NEK3: variants seen among roughly 807,000 people sequenced by gnomAD.
NEK3 encodes the protein NIMA related kinase 3.
In NEK3, 54 loss-of-function variants were observed where a neutral mutation model predicts 66.0. The observed-to-expected ratio is 0.82, with a 90% CI of 0.66 to 1.03. The LOEUF (loss-of-function observed/expected upper bound fraction) is 1.03, where lower values mean the gene tolerates loss of function less well. NEK3 is among the 50% of genes least tolerant of loss of function. The pLI is 0.00. For synonymous variants in NEK3, 200 were observed against 206.2 expected, an observed-to-expected ratio of 0.97 and a Z score of 0.26; for missense variants, 593 against 603.0, an observed-to-expected ratio of 0.98 and a Z score of 0.17.
chr13:52,152,814 ACTC>A, intron 4 of NEK3, 122 bp from the exon 5 acceptor site: 1 of 578,562 alleles, frequency 1.7e-6, no homozygotes, highest in South Asian at 2.5e-5. Flanking sequence ...TGAGTACAGA[ACTC>A]CTATAAATTA....
intron 11 of NEK3, among the ~76,000 whole-genome samples, chr13:52,139,055 G>A (rs1956227771): frequency 6.6e-6 from 1 of 152,184 alleles, no homozygotes; most frequent in Non-Finnish European, 1.5e-5. Flanking sequence ...CACAGCTTTA[G>A]GGAAGCTTCA....
In NEK3 at chr13:52,135,741, T is replaced by A. The variant is rs1956198497; in HGVS notation, c.1297A>T (p.Ile433Leu). 6 of 1,612,812 alleles carry A rather than the reference T, an allele frequency of 3.7e-6. No individual in the cohort carries two copies. Among genetic ancestry groups the A allele is most frequent in the Admixed American group, 1.7e-5 (1 of 59,824 alleles). The change falls in exon 14 of 16, where the codon ATA (isoleucine) becomes TTA (leucine). Residue 433 changes from isoleucine to leucine, a missense_variant. Transcript: ENST00000610828. ...AGACATGAATTACCTGGTCTATATA[T>A]TGTGTATGTTTGAAAAGCCAAGCTG... ...DLSLAFQTYT[I>L]YRPGSEGFLK...
chr13:52,158,740 T>A (rs1449742861), intron 1 of NEK3, among the ~76,000 whole-genome samples: 1 of 152,228 alleles, frequency 6.6e-6, no homozygotes, highest in East Asian at 1.9e-4. Context: ...ATAAAGTGAT[T>A]TGCAAATACC....
chr13:52,151,447 G>C, intron 5 of NEK3, 55 bp from the exon 6 acceptor site: 1 of 1,468,088 alleles, frequency 6.8e-7, no homozygotes, highest in East Asian at 2.5e-5. Context: ...ACATGAGGCA[G>C]ATAAGCTGTC....
At position 52,136,234 on chromosome 13, in the gene NEK3, T is replaced by C. The variant is rs761436659; in HGVS notation, c.1056A>G (p.Lys352=). The change falls in exon 13 of 16, where the codon AAA becomes AAG. Residue 352 remains lysine (K), a synonymous_variant. Coordinates refer to ENST00000610828, the MANE Select transcript of NEK3 (RefSeq NM_002498.3). ...EKGNKSVHLR[K]ASSPNLHRRQ... is the part of the protein sequence containing the mutation. ...GTCTATGAAGATTTGGTGAACTGGC[T>C]TTCCTCAGATGGACTGACTTATTAC... 2 of 1,613,802 alleles carry C rather than the reference T, an allele frequency of 1.2e-6. No homozygotes were observed. Among genetic ancestry groups the C allele is most frequent in the East Asian group, 2.2e-5 (1 of 44,864 alleles).
At chr13:52,150,552 A>G (rs1325359312) in intron 7 of NEK3, among the ~76,000 whole-genome samples, 1 of 152,202 alleles carries the variant, frequency 6.6e-6, no homozygotes, top group Non-Finnish European at 1.5e-5. Context: ...TCTATTTCCA[A>G]TCTTCCCTGC....
intron 1 of NEK3, chr13:52,157,021 A>G (rs1016378862): frequency 3.9e-5 from 6 of 152,248 alleles, no homozygotes; most frequent in Non-Finnish European, 5.9e-5. Flanking sequence ...GGATGAATGA[A>G]ACTTGGCTAG....
At chr13:52,143,826 C>T in intron 10 of NEK3, 89 bp downstream of exon 10, 1 of 725,650 alleles carries the variant, frequency 1.4e-6, no homozygotes. Flanking sequence ...ATAATCATTT[C>T]TAATAACTTA....
intron 11 of NEK3, among the ~76,000 whole-genome samples, chr13:52,139,763 G>A (rs1455746656): frequency 6.6e-6 from 1 of 152,070 alleles, no homozygotes; most frequent in Non-Finnish European, 1.5e-5. Flanking sequence ...GCTGGGCACG[G>A]TGGCTCGTGC....
Position 52,154,127 on chromosome 13 carries a change from G to C in NEK3, c.164C>G (p.Ala55Gly). 6.2e-7 allele frequency: 1 copy of C among 1,611,578 alleles called. No individual in the cohort carries two copies. Among genetic ancestry groups the C allele is most frequent in the Non-Finnish European group, 8.5e-7 (1 of 1,178,554 alleles). ...AACAATATTAGGGTGTTTCATTTTG[G>C]CTAAAAGAACAGCCTCCTTCCTAGA... ...QNSRKEAVLLAKMKHPNIVAF... is the reference protein window; with the variant it reads ...QNSRKEAVLLGKMKHPNIVAF... Residue 55 changes from alanine to glycine, a missense_variant, in exon 3 of 16, where the codon GCC (alanine) becomes GGC (glycine). Coordinates refer to ENST00000610828, the MANE Select transcript of NEK3 (RefSeq NM_002498.3).
intron 9 of NEK3, among the ~76,000 whole-genome samples, chr13:52,144,191 A>G (rs919792517): frequency 6.6e-6 from 1 of 152,232 alleles, no homozygotes; most frequent in African/African-American, 2.4e-5. Flanking sequence ...AGACAGGCAG[A>G]TTGCCTGAGG....
At chr13:52,138,228 C>T (rs1956220027) in intron 11 of NEK3, among the ~76,000 whole-genome samples, 2 of 152,166 alleles carry the variant, frequency 1.3e-5, no homozygotes, top group Admixed American at 1.3e-4. Flanking sequence ...CATTGTGTTG[C>T]CCAGGCTTGA....
At chr13:52,148,495 T>C (rs552521187) in intron 7 of NEK3, 26 bp from the exon 8 acceptor site, 2 of 1,605,608 alleles carry the variant, frequency 1.2e-6, no homozygotes, top group East Asian at 2.2e-5. Flanking sequence ...AGCAATGTAA[T>C]CACAAGCAGG....
At chr13:52,143,745 T>C (rs1261682163) in intron 10 of NEK3, among the ~76,000 whole-genome samples, 170 bp downstream of exon 10, 1 of 152,148 alleles carries the variant, frequency 6.6e-6, no homozygotes, top group African/African-American at 2.4e-5. Flanking sequence ...TTTTCAGGGA[T>C]CAAAAAGTAT....
intron 1 of NEK3, among the ~76,000 whole-genome samples, chr13:52,157,805 G>T (rs1026666752): frequency 6.6e-6 from 1 of 152,222 alleles, no homozygotes; most frequent in African/African-American, 2.4e-5. Flanking sequence ...AAACCTTAGG[G>T]AAGTGATGCA....
intron 14 of NEK3, among the ~76,000 whole-genome samples, chr13:52,134,506 G>A (rs549874934): frequency 4.8e-4 from 73 of 152,216 alleles, no homozygotes; most frequent in African/African-American, 1.7e-3. Context: ...GAAAAGTAGG[G>A]AACTGAAGGA....
intron 8 of NEK3, among the ~76,000 whole-genome samples, chr13:52,147,317 G>T (rs1434354167): frequency 6.6e-6 from 1 of 151,992 alleles, no homozygotes; most frequent in Non-Finnish European, 1.5e-5. Flanking sequence ...ACAGATACTT[G>T]TACACCATTT....
chr13:52,140,929 C>T, intron 11 of NEK3, 91 bp downstream of exon 11: 2 of 1,051,036 alleles, frequency 1.9e-6, no homozygotes, highest in Non-Finnish European at 2.7e-6. Flanking sequence ...ATTCTCCTGC[C>T]TCAACCTCCC....
intron 8 of NEK3, among the ~76,000 whole-genome samples, chr13:52,146,433 A>G (rs1175448928): frequency 3.6e-4 from 55 of 152,204 alleles, no homozygotes; most frequent in Non-Finnish European, 4.4e-5. Flanking sequence ...TTTGAGAACA[A>G]CTTTTGTCTT....
Sources: allele counts gnomAD v4.1 joint callset (sites outside exome capture counted in the v4.1 genomes callset), GRCh38; gene constraint gnomAD v4.1.1; transcripts MANE v1.5; gene names NCBI Gene and HGNC (gene_info 2026-07-23, HGNC 2026-07-21).